The following ZNRF2 variants were observed in gnomAD, a reference collection of about 807,000 sequenced individuals.
ZNRF2 encodes E3 ubiquitin-protein ligase ZNRF2.
In ZNRF2, 16 loss-of-function variants were observed where a neutral mutation model predicts 20.4. That is an observed-to-expected ratio of 0.79 (90% CI 0.53 to 1.19). The LOEUF is 1.19. Among genes scored for constraint, ZNRF2 ranks in the 50% most tolerant of loss-of-function variants. ZNRF2 has a pLI of 0.00. For missense variants in ZNRF2, 363 were observed against 332.4 expected (o/e 1.09, Z -0.72); for synonymous variants, 178 against 144.9 (o/e 1.23, Z -1.64).
chr7:30,285,320 G>T lies in ZNRF2; in HGVS notation c.-38G>T. On this transcript the variant is annotated 5_prime_UTR_variant, in exon 1 of 5. Coordinates refer to ENST00000323037, the MANE Select transcript of ZNRF2 (RefSeq NM_147128.4). The stretch of plus-strand genomic sequence containing the variant: ...CTCGCTCCCGCCCTCCCGGCTCTCG[G>T]GGCGCAGCGCGCGGGCCCGGCCCGG... 3.7e-6 allele frequency: 4 copies of T among 1,073,442 alleles called. No individual in the cohort carries two copies. Among genetic ancestry groups the T allele is most frequent in the South Asian group, 4.1e-5 (1 of 24,334 alleles). The allele number at this position is 1,073,442 out of a possible 1,614,324, so 66.5% of individuals were successfully genotyped here.
At chr7:30,294,914 G>T (rs1798983238) in intron 1 of ZNRF2, among the ~76,000 whole-genome samples, 1 of 151,478 alleles carries the variant, frequency 6.6e-6, no homozygotes, top group Non-Finnish European at 1.5e-5. Flanking sequence ...AAGGATCCTA[G>T]GGTAACTTAG....
intron 2 of ZNRF2, among the ~76,000 whole-genome samples, chr7:30,351,953 T>C (rs1799967701): frequency 6.6e-6 from 1 of 152,014 alleles, no homozygotes; most frequent in Non-Finnish European, 1.5e-5. Context: ...TTTGATGACA[T>C]TGTTCAGGTT....
intron 1 of ZNRF2, among the ~76,000 whole-genome samples, chr7:30,299,522 T>C (rs183871166): frequency 1.5e-3 from 229 of 152,262 alleles, no homozygotes; most frequent in African/African-American, 3.8e-3. Flanking sequence ...AAGTTCTCTT[T>C]TTTTAATTGC....
chr7:30,314,035 A>G (rs763319318), intron 1 of ZNRF2, among the ~76,000 whole-genome samples: 4 of 152,138 alleles, frequency 2.6e-5, no homozygotes, highest in Non-Finnish European at 5.9e-5. Flanking sequence ...CTGTGCTACC[A>G]TAGTTTAAGT....
chr7:30,337,977 T>G (rs1432632915), intron 2 of ZNRF2, among the ~76,000 whole-genome samples: 3 of 152,136 alleles, frequency 2.0e-5, no homozygotes, highest in Admixed American at 1.3e-4. Context: ...CACAGTACAC[T>G]TTACACTGTG....
In ZNRF2 at chr7:30,285,237, G is replaced by C. The variant is rs1421336722; in HGVS notation, c.-121G>C. 1.3e-6 allele frequency: 1 copy of C among 753,998 alleles called. No individual in the cohort carries two copies. The highest frequency in any genetic ancestry group is 1.7e-6 in the Non-Finnish European group (1 of 577,684). The allele number at this position is 753,998 out of a possible 1,614,324, so 46.7% of individuals were successfully genotyped here. ...TGGACGCCGGGCGGCGGCCCTGGAC[G>C]TGCGGGGGCCTCTCTGGGCCGGCCG... On this transcript the variant is annotated 5_prime_UTR_variant, in exon 1 of 5. Coordinates refer to ENST00000323037, the MANE Select transcript of ZNRF2 (RefSeq NM_147128.4).
intron 1 of ZNRF2, among the ~76,000 whole-genome samples, chr7:30,301,978 C>T (rs1165450389): frequency 6.6e-6 from 1 of 152,152 alleles, no homozygotes; most frequent in Non-Finnish European, 1.5e-5. Context: ...CCGCTTCACT[C>T]CCTGGTGTTC....
chr7:30,349,968 A>G (rs920989561), intron 2 of ZNRF2, among the ~76,000 whole-genome samples: 1 of 152,078 alleles, frequency 6.6e-6, no homozygotes, highest in African/African-American at 2.4e-5. Context: ...GCATAGGAAA[A>G]TTATCTTAGT....
intron 1 of ZNRF2, among the ~76,000 whole-genome samples, chr7:30,295,050 A>AGAGAGAGTGT (rs1412764480): frequency 6.8e-4 from 26 of 38,274 alleles, no homozygotes; most frequent in South Asian, 1.1e-3. Context: ...AGAGAGAGAG[A>AGAGAGAGTGT]GTGTGTGTGT....
At position 30,284,901 on chromosome 7, in the gene ZNRF2, C is replaced by A. The variant is rs1798742917; in HGVS notation, c.-457C>A. 1 of 243,682 alleles carries A rather than the reference C, an allele frequency of 4.1e-6. No homozygotes were observed. The highest frequency in any genetic ancestry group is 6.4e-5 in the Admixed American group (1 of 15,636). 15.1% of individuals were successfully genotyped at this position (243,682 alleles called of 1,614,324 possible). On this transcript the variant is annotated 5_prime_UTR_variant, in exon 1 of 5. Transcript: ENST00000323037. ...GCGGAGTCTGGGCGGGCGCCTCCCA[C>A]TCAGCCGCCAGCCGCCGTGGGAGCC... is the stretch of plus-strand genomic sequence containing the variant.
chr7:30,289,694 AT>A (rs1798862327), intron 1 of ZNRF2: 1 of 484,080 alleles, frequency 2.1e-6, no homozygotes, highest in Non-Finnish European at 4.3e-6. Context: ...TGCTTTGGGA[AT>A]TTTTTGGAAT....
intron 1 of ZNRF2, among the ~76,000 whole-genome samples, chr7:30,288,456 C>T (rs1156956528): frequency 6.6e-6 from 1 of 152,052 alleles, no homozygotes; most frequent in Non-Finnish European, 1.5e-5. Context: ...AAAACAGTCC[C>T]CCCCTTTTAT....
At chr7:30,285,877 TG>T in intron 1 of ZNRF2, 51 bp downstream of exon 1, 1 of 1,398,178 alleles carries the variant, frequency 7.2e-7, no homozygotes. Context: ...CGGCTGCACG[TG>T]GGCCGTGGCC....
intron 2 of ZNRF2, among the ~76,000 whole-genome samples, chr7:30,331,940 G>C (rs1424106412): frequency 6.6e-6 from 1 of 152,178 alleles, no homozygotes; most frequent in Non-Finnish European, 1.5e-5. Context: ...AAATTTGACA[G>C]TAGTTACAGT....
Position 30,323,814 on chromosome 7 carries a change from T to C in ZNRF2, c.565+77T>C, listed in dbSNP as rs372522077. 595 of 1,011,950 alleles carry C rather than the reference T, an allele frequency of 5.9e-4. 3 individuals carry two copies. The South Asian group carries it at 0.011, about 18-fold the overall frequency. 62.7% of individuals were successfully genotyped at this position (1,011,950 alleles called of 1,614,324 possible). A position where few individuals can be genotyped will look rare whatever the true frequency, so the allele number is the denominator to read the frequency against. On this transcript the variant is annotated intron_variant, in intron 2 of 4. Transcript: ENST00000323037. ...TATGAATTTCATGTTTCAAGTATAATTTAAAAGGAGGGAAGGACATTGTTT... is the reference window on the plus strand; with the variant it reads ...TATGAATTTCATGTTTCAAGTATAACTTAAAAGGAGGGAAGGACATTGTTT...
intron 3 of ZNRF2, among the ~76,000 whole-genome samples, chr7:30,356,795 T>C (rs980507117): frequency 3.3e-4 from 46 of 140,988 alleles, no homozygotes; most frequent in African/African-American, 1.2e-3. Context: ...AAGCTCCGCC[T>C]CCTGGGTTCA....
intron 1 of ZNRF2, among the ~76,000 whole-genome samples, chr7:30,315,330 A>T (rs1452320424): frequency 2.6e-5 from 4 of 152,284 alleles, no homozygotes; most frequent in Non-Finnish European, 2.9e-5. Flanking sequence ...GCATGGTTGT[A>T]ACATTTTTAT....
rs566902781 is a variant in ZNRF2, at chr7:30,286,105, C to A, written c.469+279C>A. On this transcript the variant is annotated intron_variant, in intron 1 of 4. Transcript: ENST00000323037. ...GAAAGTCTATTTTCCAGTGAGATGA[C>A]TGGAGCAAATGTTGTTTTACAACAA... Among the ~76,000 whole-genome samples, 3 of 152,336 alleles carry A rather than the reference C, an allele frequency of 2.0e-5. No individual in the cohort carries two copies. The East Asian group carries it at 5.8e-4, about 29-fold the overall frequency.
chr7:30,335,176 A>G (rs1799697686), intron 2 of ZNRF2, among the ~76,000 whole-genome samples: 1 of 152,058 alleles, frequency 6.6e-6, no homozygotes, highest in South Asian at 2.1e-4. Flanking sequence ...TTCTTAATTT[A>G]CCTCATCATT....
Sources: gnomAD v4.1 joint callset for allele counts (sites outside exome capture counted in the v4.1 genomes callset) on GRCh38, gnomAD v4.1.1 for gene constraint, MANE v1.5 for transcripts, NCBI Gene and HGNC (gene_info 2026-07-23, HGNC 2026-07-21) for gene names.